Variants in CADPS2 observed in about 807,000 individuals in gnomAD.
CADPS2 encodes calcium-dependent secretion activator 2.
In CADPS2, 93 loss-of-function variants were observed where a neutral mutation model predicts 172.5. The observed-to-expected ratio is 0.54, with a 90% confidence interval of 0.46 to 0.64. CADPS2 has a LOEUF of 0.64. CADPS2 is among the 30% of genes least tolerant of loss of function. CADPS2 has a pLI of 0.00. For missense variants in CADPS2, 1,420 were observed against 1,565.9 expected (o/e 0.91, Z 1.57); for synonymous variants, 546 against 555.2 (o/e 0.98, Z 0.23).
At chr7:122,419,389 T>C (rs901045461) in intron 17 of CADPS2, among the ~76,000 whole-genome samples, 1 of 152,214 alleles carries the variant, frequency 6.6e-6, no homozygotes, top group African/African-American at 2.4e-5. Flanking sequence ...AGAAAAAGCT[T>C]TCTTCAGAAA....
At chr7:122,736,843 C>A in intron 2 of CADPS2, 112 bp downstream of exon 2, 2 of 593,174 alleles carry the variant, frequency 3.4e-6, no homozygotes, top group Non-Finnish European at 6.0e-6. Context: ...GTTGCAAATT[C>A]ACAGCCTTCC....
intron 5 of CADPS2, among the ~76,000 whole-genome samples, chr7:122,618,134 T>C (rs945586922): frequency 9.8e-5 from 15 of 152,336 alleles, no homozygotes; most frequent in Non-Finnish European, 2.1e-4. Flanking sequence ...CTAGTATTGC[T>C]TGAACATTTA....
chr7:122,595,174 T>C (rs1467628438), intron 6 of CADPS2, among the ~76,000 whole-genome samples: 2 of 150,670 alleles, frequency 1.3e-5, no homozygotes, highest in Non-Finnish European at 3.0e-5. Flanking sequence ...AAAAAAAAAA[T>C]CCTTTCAAAT....
intron 14 of CADPS2, among the ~76,000 whole-genome samples, chr7:122,470,164 A>T (rs1441613821): frequency 6.6e-6 from 1 of 152,054 alleles, no homozygotes; most frequent in Non-Finnish European, 1.5e-5. Context: ...TTATTCTACA[A>T]TTTTTTTGAC....
chr7:122,382,257 G>A (rs1333895676), intron 24 of CADPS2: 1 of 152,074 alleles, frequency 6.6e-6, no homozygotes, highest in African/African-American at 2.4e-5. Context: ...GTAGAATGAA[G>A]GAACAAGGAT....
chr7:122,715,207 T>C (rs1168324473), intron 2 of CADPS2, among the ~76,000 whole-genome samples: 4 of 152,188 alleles, frequency 2.6e-5, no homozygotes, highest in Admixed American at 6.6e-5. Flanking sequence ...TGTTCAGGGA[T>C]TGTCTGAGTT....
At chr7:122,635,298 ACTTT>A (rs2076962436) in intron 3 of CADPS2, among the ~76,000 whole-genome samples, 1 of 151,340 alleles carries the variant, frequency 6.6e-6, no homozygotes, top group East Asian at 1.9e-4. Flanking sequence ...TTATTATTAT[ACTTT>A]AAGTTTTAGG....
intron 25 of CADPS2, among the ~76,000 whole-genome samples, chr7:122,374,357 T>C (rs1009008622): frequency 1.3e-5 from 2 of 151,946 alleles, no homozygotes; most frequent in Non-Finnish European, 2.9e-5. Flanking sequence ...ATGCCCACAC[T>C]TACCACTTCT....
chr7:122,659,238 A>T (rs927979687), intron 3 of CADPS2, among the ~76,000 whole-genome samples: 1 of 151,490 alleles, frequency 6.6e-6, no homozygotes, highest in African/African-American at 2.4e-5. Context: ...AAAAGTTGAA[A>T]ACATGCAAAA....
chr7:122,594,469 G>T (rs182327933), intron 6 of CADPS2, among the ~76,000 whole-genome samples: 101 of 152,008 alleles, frequency 6.6e-4, no homozygotes, highest in African/African-American at 2.4e-3. Context: ...GTTCTCATTT[G>T]GTTGCTCTAA....
intron 6 of CADPS2, among the ~76,000 whole-genome samples, chr7:122,582,230 A>G (rs2068928372): frequency 6.6e-6 from 1 of 152,136 alleles, no homozygotes; most frequent in South Asian, 2.1e-4. Context: ...CACCATTTTC[A>G]CGGAGCTGTC....
At chr7:122,623,861 G>A (rs574781371) in intron 4 of CADPS2, among the ~76,000 whole-genome samples, 12 of 152,188 alleles carry the variant, frequency 7.9e-5, no homozygotes, top group Middle Eastern at 3.4e-3. Flanking sequence ...ATATACTAAC[G>A]CTTTGCTTTC....
intron 23 of CADPS2, among the ~76,000 whole-genome samples, 200 bp from the exon 24 acceptor site, chr7:122,387,373 T>C (rs1301004162): frequency 6.6e-6 from 1 of 152,078 alleles, no homozygotes; most frequent in Non-Finnish European, 1.5e-5. Context: ...GTCATATTTT[T>C]ATATTAAGCC....
chr7:122,581,147 T>C, intron 7 of CADPS2, 32 bp downstream of exon 7: 6 of 1,526,032 alleles, frequency 3.9e-6, no homozygotes, highest in Non-Finnish European at 5.4e-6. Flanking sequence ...AAAACTGTTC[T>C]ACCCTGGACA....
rs143669355 is a variant in CADPS2 at position 122,380,584 on chromosome 7, A to G, written c.3313-1142T>C. Among the ~76,000 whole-genome samples, 19 of 152,172 alleles carry G rather than the reference A, an allele frequency of 1.2e-4. No homozygotes were observed. In the East Asian group the frequency reaches 3.5e-3, roughly 28 times the overall value. On this transcript the variant is annotated intron_variant, in intron 24 of 29. Coordinates refer to ENST00000449022, the MANE Select transcript of CADPS2 (RefSeq NM_017954.11). Reference sequence around the variant, plus strand: ...TCCACCCCTCTCCCCAAGGGTTCTGACAGTTACAAGTGGTTATCATAAACC... The same window carrying G: ...TCCACCCCTCTCCCCAAGGGTTCTGGCAGTTACAAGTGGTTATCATAAACC...
At chr7:122,882,116 C>A (rs1823073369) in intron 1 of CADPS2, among the ~76,000 whole-genome samples, 1 of 152,140 alleles carries the variant, frequency 6.6e-6, no homozygotes, top group African/African-American at 2.4e-5. Context: ...TATATTATTT[C>A]ACCCAATACT....
At chr7:122,834,547 C>A (rs377293435) in intron 1 of CADPS2, among the ~76,000 whole-genome samples, 6 of 152,124 alleles carry the variant, frequency 3.9e-5, no homozygotes, top group African/African-American at 1.2e-4. Flanking sequence ...CAAGGAAAGC[C>A]GTGACAGACA....
At chr7:122,363,149 C>T (rs1398651644) in intron 25 of CADPS2, among the ~76,000 whole-genome samples, 1 of 152,160 alleles carries the variant, frequency 6.6e-6, no homozygotes, top group Admixed American at 6.5e-5. Flanking sequence ...ATGTAGTTTG[C>T]AAGGACCCAG....
At chr7:122,566,003 T>C (rs1187160388) in intron 7 of CADPS2, among the ~76,000 whole-genome samples, 2 of 152,162 alleles carry the variant, frequency 1.3e-5, no homozygotes, top group Non-Finnish European at 2.9e-5. Flanking sequence ...GTTTGGCCTT[T>C]TTAGATTCTA....
Sources: gnomAD v4.1 joint callset for allele counts (sites outside exome capture counted in the v4.1 genomes callset) on GRCh38, gnomAD v4.1.1 for gene constraint, MANE v1.5 for transcripts, NCBI Gene and HGNC (gene_info 2026-07-23, HGNC 2026-07-21) for gene names.